MCTP1: variants seen among roughly 807,000 people sequenced by gnomAD.
MCTP1 encodes multiple C2 and transmembrane domain containing 1.
Under a neutral mutation model 120.6 loss-of-function variants are expected in MCTP1, and 69 were observed. The ratio of observed to expected loss-of-function variants is 0.57; its 90% CI spans 0.47 to 0.70. The LOEUF (loss-of-function observed/expected upper bound fraction) is 0.70, where lower values mean the gene tolerates loss of function less well. Among genes scored for constraint, MCTP1 ranks in the 30% least tolerant of loss-of-function variants. MCTP1 has a pLI of 0.00. For synonymous variants in MCTP1, 529 were observed against 493.1 expected, an observed-to-expected ratio of 1.07 and a Z score of -0.96; for missense variants, 1,203 against 1,248.8, an observed-to-expected ratio of 0.96 and a Z score of 0.55.
chr5:95,268,997 T>G (rs1257130196), intron 1 of MCTP1, among the ~76,000 whole-genome samples: 5 of 152,226 alleles, frequency 3.3e-5, no homozygotes, highest in East Asian at 1.9e-4. Flanking sequence ...TGGAGCCAGT[T>G]CTGAGCTCTG....
In MCTP1 at chr5:94,708,558, T is replaced by C; in HGVS notation, c.2882A>G (p.Asn961Ser). The change falls in exon 22 of 23, where the codon AAT (asparagine) becomes AGT (serine). Residue 961 changes from asparagine to serine, a missense_variant. By Grantham distance (46) the Asn-to-Ser change is conservative (BLOSUM62 1). Transcript: ENST00000515393. ...TCTGGAAAGGAAGTCAAGTAGTTCATTGTTATCAATTGCATATGGACTCCG... is the reference window on the plus strand; with the variant it reads ...TCTGGAAAGGAAGTCAAGTAGTTCACTGTTATCAATTGCATATGGACTCCG... ...KLRSPYAIDN[N>S]ELLDFLSRVP... 1 of 1,611,650 alleles carries C rather than the reference T, an allele frequency of 6.2e-7. No homozygotes were observed. Among genetic ancestry groups the C allele is most frequent in the Non-Finnish European group, 8.5e-7 (1 of 1,178,308 alleles).
intron 1 of MCTP1, among the ~76,000 whole-genome samples, chr5:95,242,864 T>C (rs1756323339): frequency 6.6e-6 from 1 of 152,232 alleles, no homozygotes; most frequent in Admixed American, 6.5e-5. Context: ...CATTAAGCTG[T>C]GTACTTTTAA....
intron 17 of MCTP1, among the ~76,000 whole-genome samples, chr5:94,808,486 AT>A (rs1239214823): frequency 1.3e-5 from 2 of 152,152 alleles, no homozygotes; most frequent in Admixed American, 6.5e-5. Context: ...TGCCACAATG[AT>A]ACAGGGAGCA....
intron 17 of MCTP1, among the ~76,000 whole-genome samples, chr5:94,839,958 C>T (rs1408168228): frequency 2.0e-5 from 3 of 152,114 alleles, no homozygotes; most frequent in Non-Finnish European, 2.9e-5. Flanking sequence ...CTAGTACTTT[C>T]GATACCCTCA....
At chr5:94,752,108 A>AATATATATATATATATATATATACAT (rs1768530548) in intron 19 of MCTP1, among the ~76,000 whole-genome samples, 4 of 75,756 alleles carry the variant, frequency 5.3e-5, no homozygotes, top group Non-Finnish European at 1.3e-4. Context: ...TAAATAATAA[A>AATATATATATATATATATATATACAT]ATATATATAT....
intron 19 of MCTP1, among the ~76,000 whole-genome samples, chr5:94,754,009 C>T (rs1225372333): frequency 6.6e-6 from 1 of 152,128 alleles, no homozygotes; most frequent in Non-Finnish European, 1.5e-5. Flanking sequence ...AGAGAAATCG[C>T]TCTTAGATGA....
intron 1 of MCTP1, among the ~76,000 whole-genome samples, chr5:95,024,458 C>G (rs1247995088): frequency 6.6e-6 from 1 of 152,058 alleles, no homozygotes; most frequent in African/African-American, 2.4e-5. Flanking sequence ...AGGACTGTTT[C>G]TCAACACAGT....
intron 1 of MCTP1, among the ~76,000 whole-genome samples, chr5:95,196,713 G>C (rs1408020461): frequency 6.6e-6 from 1 of 152,206 alleles, no homozygotes; most frequent in Non-Finnish European, 1.5e-5. Context: ...TTGGCATGAG[G>C]GCTGTGGATA....
At position 95,106,168 on chromosome 5, in the gene MCTP1, G is replaced by A. The variant is rs569350057; in HGVS notation, c.721-88684C>T. Among the ~76,000 whole-genome samples the A allele has an allele frequency of 2.0e-5, 3 of 152,354 alleles. No individual in the cohort carries two copies. In the South Asian group the frequency reaches 6.2e-4, roughly 32 times the overall value. ...TTCTTAAGCATGTGATTTGGATAGA[G>A]CTGATCACAGATGGGCCATCGCAGA... On this transcript the variant is annotated intron_variant, in intron 1 of 22. Coordinates refer to ENST00000515393, the MANE Select transcript of MCTP1 (RefSeq NM_024717.7).
intron 19 of MCTP1, among the ~76,000 whole-genome samples, chr5:94,776,193 G>A (rs934961214): frequency 1.2e-4 from 18 of 151,948 alleles, no homozygotes; most frequent in African/African-American, 3.9e-4. Context: ...TATGCAGAGG[G>A]AAAACACCCT....
At chr5:94,844,171 C>T (rs554962303) in intron 17 of MCTP1, among the ~76,000 whole-genome samples, 8 of 151,810 alleles carry the variant, frequency 5.3e-5, no homozygotes, top group Admixed American at 2.6e-4. Context: ...GGTGTAGTGG[C>T]GGATGCCTGT....
intron 1 of MCTP1, among the ~76,000 whole-genome samples, chr5:95,261,344 C>T (rs994439288): frequency 6.6e-6 from 1 of 152,138 alleles, no homozygotes; most frequent in Non-Finnish European, 1.5e-5. Context: ...TAATTTTCTG[C>T]AGCACTTGAA....
chr5:95,054,946 C>T (rs981703223), intron 1 of MCTP1, among the ~76,000 whole-genome samples: 7 of 151,942 alleles, frequency 4.6e-5, no homozygotes, highest in African/African-American at 1.7e-4. Context: ...TAGCTGGGAC[C>T]ACAGGTATAC....
intron 19 of MCTP1, 57 bp from the exon 20 acceptor site, chr5:94,714,943 ATTCT>A: frequency 2.0e-6 from 2 of 994,580 alleles, no homozygotes; most frequent in Non-Finnish European, 3.2e-6. Flanking sequence ...CATTGCTTGA[ATTCT>A]TTGTGTTGTC....
At chr5:94,770,208 G>A (rs1773739857) in intron 19 of MCTP1, among the ~76,000 whole-genome samples, 1 of 152,162 alleles carries the variant, frequency 6.6e-6, no homozygotes, top group Non-Finnish European at 1.5e-5. Flanking sequence ...ATCTCAACAT[G>A]CAGTGGTGTC....
At chr5:94,785,563 C>T (rs897094072) in intron 18 of MCTP1, among the ~76,000 whole-genome samples, 50 of 152,126 alleles carry the variant, frequency 3.3e-4, no homozygotes, top group African/African-American at 1.1e-3. Flanking sequence ...ACTCTACTCA[C>T]CACGAATCTA....
At chr5:95,155,421 G>A (rs1054066997) in intron 1 of MCTP1, among the ~76,000 whole-genome samples, 1 of 151,998 alleles carries the variant, frequency 6.6e-6, no homozygotes, top group Non-Finnish European at 1.5e-5. Flanking sequence ...TCCTTCAAAT[G>A]TACATTAAAC....
At chr5:95,164,714 T>C (rs1216406039) in intron 1 of MCTP1, among the ~76,000 whole-genome samples, 3 of 152,222 alleles carry the variant, frequency 2.0e-5, no homozygotes, top group Non-Finnish European at 2.9e-5. Flanking sequence ...AATTCAAATT[T>C]AACTGGGTAT....
intron 18 of MCTP1, among the ~76,000 whole-genome samples, chr5:94,797,450 A>T (rs1780338315): frequency 6.6e-6 from 1 of 152,216 alleles, no homozygotes; most frequent in African/African-American, 2.4e-5. Context: ...CAATTGTCTG[A>T]AAGAGTCCTA....
Sources: gnomAD v4.1 joint callset for allele counts (sites outside exome capture counted in the v4.1 genomes callset) on GRCh38, gnomAD v4.1.1 for gene constraint, MANE v1.5 for transcripts, NCBI Gene and HGNC (gene_info 2026-07-23, HGNC 2026-07-21) for gene names.